Variants in DNAH14 observed in about 807,000 individuals in gnomAD.
DNAH14 encodes the protein axonemal beta dynein heavy chain 14.
DNAH14 carries 478 observed loss-of-function variants against 520.9 expected under a neutral mutation model. That is an observed-to-expected ratio of 0.92 (90% confidence interval 0.85 to 0.99). The LOEUF (loss-of-function observed/expected upper bound fraction) is 0.99, where lower values mean the gene tolerates loss of function less well. DNAH14 is among the 50% of genes least tolerant of loss of function. The pLI is 0.00. For synonymous variants in DNAH14, 1,581 were observed against 1,757.2 expected (o/e 0.90, Z 2.51); for missense variants, 4,831 against 5,234.5 (o/e 0.92, Z 2.38).
chr1:225,373,340 C>T (rs910017032), intron 77 of DNAH14, among the ~76,000 whole-genome samples: 1 of 152,104 alleles, frequency 6.6e-6, no homozygotes, highest in Non-Finnish European at 1.5e-5. Flanking sequence ...TGGTGCGCGC[C>T]TGTAGTCCCA....
intron 27 of DNAH14, among the ~76,000 whole-genome samples, chr1:225,127,889 T>C (rs1461547896): frequency 6.6e-6 from 1 of 152,188 alleles, no homozygotes; most frequent in Non-Finnish European, 1.5e-5. Context: ...CAGGAGCTCT[T>C]TTAGGGCAGG....
At chr1:224,955,303 T>C (rs1009699095) in intron 3 of DNAH14, among the ~76,000 whole-genome samples, 3 of 152,168 alleles carry the variant, frequency 2.0e-5, no homozygotes, top group South Asian at 2.1e-4. Context: ...AAGTAACGAA[T>C]ATTACTAATA....
chr1:224,939,955 A>T (rs1162779128), intron 1 of DNAH14, among the ~76,000 whole-genome samples: 2 of 152,166 alleles, frequency 1.3e-5, no homozygotes, highest in African/African-American at 4.8e-5. Flanking sequence ...TTGCTGTGTG[A>T]CAAACCACCT....
chr1:225,390,441 G>A (rs1326367264), intron 83 of DNAH14, among the ~76,000 whole-genome samples: 1 of 152,156 alleles, frequency 6.6e-6, no homozygotes, highest in Non-Finnish European at 1.5e-5. Flanking sequence ...CAAGAACCAG[G>A]TCTGTTTTAA....
intron 83 of DNAH14, among the ~76,000 whole-genome samples, chr1:225,390,106 G>A (rs940151285): frequency 6.6e-6 from 1 of 152,016 alleles, no homozygotes; most frequent in Admixed American, 6.6e-5. Context: ...GATTTCACCT[G>A]CGCCTTGGCA....
chr1:224,999,978 T>C (rs1046814087), intron 8 of DNAH14, among the ~76,000 whole-genome samples: 1 of 152,206 alleles, frequency 6.6e-6, no homozygotes, highest in Non-Finnish European at 1.5e-5. Flanking sequence ...TGTTTGATTA[T>C]ATTTTTGTTT....
At chr1:225,102,296 G>C (rs2075562485) in intron 23 of DNAH14, among the ~76,000 whole-genome samples, 1 of 151,938 alleles carries the variant, frequency 6.6e-6, no homozygotes, top group Non-Finnish European at 1.5e-5. Flanking sequence ...ATCATTGTTG[G>C]ACATTTGGCT....
intron 41 of DNAH14, among the ~76,000 whole-genome samples, chr1:225,224,537 G>A (rs925990266): frequency 1.3e-5 from 2 of 152,036 alleles, no homozygotes; most frequent in African/African-American, 4.8e-5. Flanking sequence ...TTGAGTAAAA[G>A]ACAATTCAAA....
chr1:225,103,462 T>A (rs376053194), intron 23 of DNAH14, among the ~76,000 whole-genome samples: 1,670 of 152,306 alleles, frequency 0.011, 17 homozygotes, highest in Non-Finnish European at 0.016. Context: ...TGGCATTGAA[T>A]CTATAAATTA....
At chr1:225,143,307 T>G (rs529542489) in intron 28 of DNAH14, among the ~76,000 whole-genome samples, 2 of 152,304 alleles carry the variant, frequency 1.3e-5, no homozygotes, top group South Asian at 4.1e-4. Flanking sequence ...AAAAAAACAT[T>G]TTCTTCCACA....
At chr1:225,084,814 A>AAAAAAAT (rs1454729099) in intron 20 of DNAH14, among the ~76,000 whole-genome samples, 7 of 151,608 alleles carry the variant, frequency 4.6e-5, no homozygotes, top group South Asian at 2.1e-4. Flanking sequence ...CTTCACTGAA[A>AAAAAAAT]TTTTGCTTTA....
chr1:224,942,676 C>G (rs1036469292), intron 1 of DNAH14, among the ~76,000 whole-genome samples: 1 of 152,044 alleles, frequency 6.6e-6, no homozygotes, highest in Non-Finnish European at 1.5e-5. Context: ...TGAGATATGT[C>G]CCATCGATAC....
chr1:225,052,294 G>C (rs1250759199), intron 17 of DNAH14, among the ~76,000 whole-genome samples: 2 of 152,080 alleles, frequency 1.3e-5, no homozygotes, highest in Non-Finnish European at 2.9e-5. Flanking sequence ...AGACTCTATG[G>C]AGATTCCCAA....
chr1:225,010,236 A>G (rs1157996709), intron 10 of DNAH14, among the ~76,000 whole-genome samples: 3 of 152,178 alleles, frequency 2.0e-5, no homozygotes, highest in Non-Finnish European at 4.4e-5. Context: ...TGGGTTTGTC[A>G]TAAATAGCTC....
At position 225,392,318 on chromosome 1, in the gene DNAH14, A is replaced by G. The variant is rs1039748921; in HGVS notation, c.13358A>G (p.Tyr4453Cys). The change falls in exon 84 of 86, where the codon TAT (tyrosine) becomes TGT (cysteine). Residue 4453 changes from tyrosine (Y) to cysteine (C), a missense_variant. Physicochemically the swap from Tyr to Cys is radical, Grantham distance 194. Coordinates refer to ENST00000682510, the MANE Select transcript of DNAH14 (RefSeq NM_001367479.1). Reference sequence around the variant, plus strand: ...TTTCTTGCTGCTGTGCTTCAAGACTATGGGAGGTCCCGAGGAATCGCTGTG... The same window carrying G: ...TTTCTTGCTGCTGTGCTTCAAGACTGTGGGAGGTCCCGAGGAATCGCTGTG... ...QAFLAAVLQD[Y>C]GRSRGIAVDA... The G allele has an allele frequency of 1.3e-6, 2 of 1,552,416 alleles. No homozygotes were observed. The highest frequency in any genetic ancestry group is 2.0e-5 in the Admixed American group (1 of 51,022).
At chr1:225,226,479 C>T (rs1269482905) in intron 41 of DNAH14, among the ~76,000 whole-genome samples, 1 of 152,164 alleles carries the variant, frequency 6.6e-6, no homozygotes, top group African/African-American at 2.4e-5. Flanking sequence ...CCTCCCTGTG[C>T]TAAAGAACAA....
At position 224,996,312 on chromosome 1, in the gene DNAH14, T is replaced by A. The variant is rs1027084958; in HGVS notation, c.831-6471T>A. ...GAGACCACAGGTGCATGCCACCACA[T>A]CCACTGAATTATTATTATTATTATT... is the stretch of plus-strand genomic sequence containing the variant. On this transcript the variant is annotated intron_variant, in intron 8 of 85. Transcript: ENST00000682510. Among the ~76,000 whole-genome samples the A allele has an allele frequency of 1.7e-3, 253 of 150,002 alleles. 5 individuals are homozygous for A. The highest frequency in any genetic ancestry group is 0.016 in the Admixed American group (250 of 15,252).
intron 41 of DNAH14, among the ~76,000 whole-genome samples, chr1:225,209,644 T>C (rs2088075446): frequency 1.3e-5 from 2 of 152,170 alleles, no homozygotes; most frequent in Non-Finnish European, 2.9e-5. Context: ...GCAAGATTTG[T>C]TAATATCAAT....
chr1:225,056,826 A>G (rs1439096244), intron 17 of DNAH14, among the ~76,000 whole-genome samples: 2 of 152,314 alleles, frequency 1.3e-5, no homozygotes, highest in South Asian at 4.1e-4. Context: ...GGTTTGTCAA[A>G]GATCAGATGG....
Sources: allele counts gnomAD v4.1 joint callset (sites outside exome capture counted in the v4.1 genomes callset), GRCh38; gene constraint gnomAD v4.1.1; transcripts MANE v1.5; gene names NCBI Gene and HGNC (gene_info 2026-07-23, HGNC 2026-07-21).